The following GCGR variants were observed in gnomAD, a reference collection of about 807,000 sequenced individuals.
GCGR encodes the protein glucagon receptor.
Under a neutral mutation model 56.1 loss-of-function variants are expected in GCGR, and 41 were observed. The ratio of observed to expected loss-of-function variants is 0.73; its 90% CI spans 0.57 to 0.95. The LOEUF is 0.95. Among genes scored for constraint, GCGR ranks in the 40% least tolerant of loss-of-function variants. GCGR has a pLI of 0.00. For missense variants in GCGR, 595 were observed against 638.2 expected, an observed-to-expected ratio of 0.93 and a Z score of 0.73; for synonymous variants, 278 against 271.1, an observed-to-expected ratio of 1.03 and a Z score of -0.25.
Position 81,804,243 on chromosome 17 carries a change from C to T in GCGR, c.-184C>T, listed in dbSNP as rs1415317870. ...GAGCCAAGCCGACCCCCGAGCAGCGCCGCGCGGTGAGCACCTGGGCCGCGG... is the reference window on the plus strand; with the variant it reads ...GAGCCAAGCCGACCCCCGAGCAGCGTCGCGCGGTGAGCACCTGGGCCGCGG... On this transcript the variant is annotated 5_prime_UTR_variant, in exon 1 of 14. Coordinates refer to ENST00000400723, the MANE Select transcript of GCGR (RefSeq NM_000160.5). This position sits in a 1 kb window ranked among gnomAD's most constrained non-coding sequence, Gnocchi z 8.2. The T allele has an allele frequency of 6.6e-6, 1 of 151,528 alleles. No individual in the cohort carries two copies. Among genetic ancestry groups the T allele is most frequent in the Non-Finnish European group, 1.5e-5 (1 of 67,808 alleles). The allele number at this position is 151,528 out of a possible 1,614,324, so 9.4% of individuals were successfully genotyped here. A position where few individuals can be genotyped will look rare whatever the true frequency, so the allele number is the denominator to read the frequency against.
Position 81,813,218 on chromosome 17 carries a change from C to T in GCGR, c.1218+161C>T, listed in dbSNP as rs2038140312. On this transcript the variant is annotated intron_variant, in intron 13 of 13. Coordinates refer to ENST00000400723, the MANE Select transcript of GCGR (RefSeq NM_000160.5). The surrounding 1 kb of genome is among the most constrained non-coding windows in gnomAD (Gnocchi z 5.3). ...CTCTTATTGGGTGCAGTTGCCATGGCGCTGGGTGTCAGGCCCCCAGGACAG... is the reference window on the plus strand; with the variant it reads ...CTCTTATTGGGTGCAGTTGCCATGGTGCTGGGTGTCAGGCCCCCAGGACAG... 6.6e-6 allele frequency among the ~76,000 whole-genome samples: 1 copy of T among 152,172 alleles called. No homozygotes were observed. The highest frequency in any genetic ancestry group is 6.5e-5 in the Admixed American group (1 of 15,284).
chr17:81,813,625 A>G lies in GCGR; in HGVS notation c.1370A>G (p.Gln457Arg), dbSNP rs754349828. The G allele has an allele frequency of 3.9e-6, 6 of 1,536,338 alleles. No homozygotes were observed. The highest frequency in any genetic ancestry group is 5.2e-6 in the Non-Finnish European group (6 of 1,146,858). ...ELQFGRGGGS[Q>R]DSSAETPLAG... ...CAGTTTGGGAGGGGTGGTGGCAGCC[A>G]GGATTCATCTGCGGAGACCCCCTTG... Residue 457 changes from glutamine to arginine, a missense_variant, in exon 14 of 14, where the codon CAG becomes CGG. Transcript: ENST00000400723. This position sits in a 1 kb window ranked among gnomAD's most constrained non-coding sequence, Gnocchi z 5.3.
chr17:81,806,902 C>T lies in GCGR; in HGVS notation c.-177-1940C>T, dbSNP rs565449491. On this transcript the variant is annotated intron_variant, in intron 1 of 13. Coordinates refer to ENST00000400723, the MANE Select transcript of GCGR (RefSeq NM_000160.5). The surrounding 1 kb of genome is among the most constrained non-coding windows in gnomAD (Gnocchi z 6.5). ...CCACCCTGCTCCAGCTGCCCCTTGTCCCTCTCCCCGTCCCCTGCCCAGAGC... is the reference window on the plus strand; with the variant it reads ...CCACCCTGCTCCAGCTGCCCCTTGTTCCTCTCCCCGTCCCCTGCCCAGAGC... Among the ~76,000 whole-genome samples the T allele has an allele frequency of 1.3e-3, 204 of 152,120 alleles. 2 individuals carry two copies. Among genetic ancestry groups the T allele is most frequent in the African/African-American group, 4.6e-3 (192 of 41,488 alleles).
Position 81,812,889 on chromosome 17 carries a change from C to T in GCGR, c.1120C>T (p.Gln374Ter). ...VFAFVTDEHA[Q>*]GTLRSAKLFF... is the part of the protein sequence containing the mutation. ...CGCCTTCGTGACGGACGAGCACGCC[C>T]AGGGCACCCTGCGCTCCGCCAAGCT... The change falls in exon 12 of 14, where the codon CAG becomes TAG. Residue 374 changes from glutamine (Q) to a stop codon, truncating the protein, a stop_gained. Coordinates refer to ENST00000400723, the MANE Select transcript of GCGR (RefSeq NM_000160.5). LOFTEE classifies it high-confidence loss of function. The surrounding 1 kb of genome is among the most constrained non-coding windows in gnomAD (Gnocchi z 8.5). The T allele has an allele frequency of 6.5e-7, 1 of 1,536,118 alleles. No homozygotes were observed. Among genetic ancestry groups the T allele is most frequent in the Non-Finnish European group, 8.7e-7 (1 of 1,146,764 alleles).
chr17:81,810,895 C>T lies in GCGR; in HGVS notation c.234C>T (p.Asn78=). 1.3e-6 allele frequency: 2 copies of T among 1,534,634 alleles called. No individual in the cohort carries two copies. The highest frequency in any genetic ancestry group is 1.2e-5 in the South Asian group (1 of 84,034). Residue 78 remains asparagine, a synonymous_variant, in exon 4 of 14, where the codon AAC becomes AAT. Coordinates refer to ENST00000400723, the MANE Select transcript of GCGR (RefSeq NM_000160.5). This position sits in a 1 kb window ranked among gnomAD's most constrained non-coding sequence, Gnocchi z 4.6. The part of the protein sequence containing the change: ...WPDTPANTTA[N]ISCPWYLPWH... The stretch of plus-strand genomic sequence containing the variant: ...ACACCCCCGCCAATACCACGGCCAA[C>T]ATCTCCTGCCCCTGGTACCTGCCTT...
Position 81,811,182 on chromosome 17 carries a change from G to C in GCGR, c.394-40G>C. On this transcript the variant is annotated intron_variant, in intron 5 of 13. Coordinates refer to ENST00000400723, the MANE Select transcript of GCGR (RefSeq NM_000160.5). The surrounding 1 kb of genome is among the most constrained non-coding windows in gnomAD (Gnocchi z 5.8). ...TGGGGCTGGATGGGAACGGGCATGG[G>C]GGCCCCTGCCTGGCCCTCACAGGCC... The C allele has an allele frequency of 6.5e-7, 1 of 1,536,116 alleles. No homozygotes were observed. Among genetic ancestry groups the C allele is most frequent in the South Asian group, 1.2e-5 (1 of 84,068 alleles).
intron 1 of GCGR, among the ~76,000 whole-genome samples, chr17:81,805,785 G>T (rs2037950063): frequency 6.6e-6 from 1 of 152,168 alleles, no homozygotes; most frequent in African/African-American, 2.4e-5. Flanking sequence ...AAGGTGGAGG[G>T]TGGGGTCCCT....
At chr17:81,809,694 C>T in intron 2 of GCGR, 88 bp from the exon 3 acceptor site, 1 of 916,316 alleles carries the variant, frequency 1.1e-6, no homozygotes, top group Non-Finnish European at 1.6e-6. Flanking sequence ...TATCCATCTA[C>T]CTGCCTGCCT....
chr17:81,813,860 C>G lies in GCGR; in HGVS notation c.*171C>G. On this transcript the variant is annotated 3_prime_UTR_variant, in exon 14 of 14. Coordinates refer to ENST00000400723, the MANE Select transcript of GCGR (RefSeq NM_000160.5). This position sits in a 1 kb window ranked among gnomAD's most constrained non-coding sequence, Gnocchi z 5.3. ...CGAGATTGGGCCTCCTCTCCCTGCA[C>G]CTGCCTTGTCCCTGGTGCAGAGGTG... is the stretch of plus-strand genomic sequence containing the variant. 1 of 636,316 alleles carries G rather than the reference C, an allele frequency of 1.6e-6. No individual in the cohort carries two copies. Among genetic ancestry groups the G allele is most frequent in the South Asian group, 1.9e-5 (1 of 51,524 alleles). The allele number at this position is 636,316 out of a possible 1,614,324, so 39.4% of individuals were successfully genotyped here.
At position 81,813,597 on chromosome 17, in the gene GCGR, C is replaced by G; in HGVS notation, c.1342C>G (p.Leu448Val). The G allele has an allele frequency of 2.6e-6, 4 of 1,536,622 alleles. No individual in the cohort carries two copies. The highest frequency in any genetic ancestry group is 3.5e-6 in the Non-Finnish European group (4 of 1,146,872). ...SPGHGPPSKE[L>V]QFGRGGGSQD... ...CGGCCACGGCCCTCCCAGCAAGGAG[C>G]TGCAGTTTGGGAGGGGTGGTGGCAG... Residue 448 changes from leucine (L) to valine (V), a missense_variant, in exon 14 of 14, where the codon CTG becomes GTG. By Grantham distance (32) the Leu-to-Val change is conservative. Transcript: ENST00000400723. This position sits in a 1 kb window ranked among gnomAD's most constrained non-coding sequence, Gnocchi z 5.3.
At chr17:81,809,926 C>T in intron 3 of GCGR, 42 bp downstream of exon 3, 1 of 1,403,762 alleles carries the variant, frequency 7.1e-7, no homozygotes, top group Non-Finnish European at 9.8e-7. Context: ...TGCCTGGCCT[C>T]AGCACTTCCT....
Position 81,809,218 on chromosome 17 carries a change from G to A in GCGR, c.60+140G>A, listed in dbSNP as rs553968053. On this transcript the variant is annotated intron_variant, in intron 2 of 13. Transcript: ENST00000400723. ...TGCCCGTCTGCCTGCCCATCTGCCT[G>A]TCTGTCTGCCTGTCCGTCTGTCTGT... 13 of 1,036,082 alleles carry A rather than the reference G, an allele frequency of 1.3e-5. No individual in the cohort carries two copies. In the African/African-American group the frequency reaches 1.3e-4, roughly 10 times the overall value. 64.2% of individuals were successfully genotyped at this position (1,036,082 alleles called of 1,614,324 possible).
At chr17:81,809,438 TCCGTCTGCCTGC>T (rs2143117187) in intron 2 of GCGR, among the ~76,000 whole-genome samples, 1 of 137,500 alleles carries the variant, frequency 7.3e-6, no homozygotes, top group African/African-American at 2.8e-5. Context: ...CGTCTGCCTG[TCCGTCTGCCTGC>T]CTGCCTGTCT....
rs940163718 is a variant in GCGR, at chr17:81,804,914, C to T, written c.-178+665C>T. Among the ~76,000 whole-genome samples, 3 of 152,196 alleles carry T rather than the reference C, an allele frequency of 2.0e-5. No individual in the cohort carries two copies. The highest frequency in any genetic ancestry group is 6.5e-5 in the Admixed American group (1 of 15,290). ...GACTGACCCCGGCCCCCTCGGCGCC[C>T]GCATCCTCCAAGGACCGGCCAGGGC... On this transcript the variant is annotated intron_variant, in intron 1 of 13. Transcript: ENST00000400723. This position sits in a 1 kb window ranked among gnomAD's most constrained non-coding sequence, Gnocchi z 8.2.
At position 81,809,462 on chromosome 17, in the gene GCGR, T is replaced by C. The variant is rs371550967; in HGVS notation, c.61-320T>C. Among the ~76,000 whole-genome samples, 201 of 137,772 alleles carry C rather than the reference T, an allele frequency of 1.5e-3. 1 individual carries two copies. The highest frequency in any genetic ancestry group is 4.2e-3 in the African/African-American group (150 of 35,570). 90.4% of individuals were successfully genotyped at this position (137,772 alleles called of 152,430 possible). A position where few individuals can be genotyped will look rare whatever the true frequency, so the allele number is the denominator to read the frequency against. On this transcript the variant is annotated intron_variant, in intron 2 of 13. Transcript: ENST00000400723. ...GTCCGTCTGCCTGCCTGCCTGTCTG[T>C]CTGCCTGCCTGTCTGCCTGCCTGTC...
rs1394509323 is a variant in GCGR at position 81,813,004 on chromosome 17, C to T, written c.1177-12C>T. On this transcript the variant is annotated splice_polypyrimidine_tract_variant and intron_variant, in intron 12 of 13. Transcript: ENST00000400723. This position sits in a 1 kb window ranked among gnomAD's most constrained non-coding sequence, Gnocchi z 5.3. ...GCGCAGTGTGCCACCCCTGACCACC[C>T]TGTCTCTCCAGGGCCTGCTGGTGGC... 8 of 1,536,432 alleles carry T rather than the reference C, an allele frequency of 5.2e-6. No homozygotes were observed. The highest frequency in any genetic ancestry group is 7.0e-6 in the Non-Finnish European group (8 of 1,146,828).
chr17:81,809,667 C>G, intron 2 of GCGR, 115 bp from the exon 3 acceptor site: 1 of 761,538 alleles, frequency 1.3e-6, no homozygotes, highest in Non-Finnish European at 2.2e-6. Flanking sequence ...GTCTGTCTGC[C>G]TGTCTGTCCA....
Position 81,810,600 on chromosome 17 carries a change from C to T in GCGR, c.164-225C>T, listed in dbSNP as rs935580388. On this transcript the variant is annotated intron_variant, in intron 3 of 13. Coordinates refer to ENST00000400723, the MANE Select transcript of GCGR (RefSeq NM_000160.5). The surrounding 1 kb of genome is among the most constrained non-coding windows in gnomAD (Gnocchi z 4.6). ...AGCTGCAATTCAGGGCTGGGCTGGGCGTGCTAGCGGAGGCTGGTCCAGGGG... is the reference window on the plus strand; with the variant it reads ...AGCTGCAATTCAGGGCTGGGCTGGGTGTGCTAGCGGAGGCTGGTCCAGGGG... 1.3e-5 allele frequency among the ~76,000 whole-genome samples: 2 copies of T among 151,378 alleles called. No individual in the cohort carries two copies. Among genetic ancestry groups the T allele is most frequent in the African/African-American group, 2.4e-5 (1 of 41,094 alleles).
At chr17:81,807,852 C>T (rs865842486) in intron 1 of GCGR, among the ~76,000 whole-genome samples, 1 of 152,266 alleles carries the variant, frequency 6.6e-6, no homozygotes, top group Non-Finnish European at 1.5e-5. Context: ...CCCGAACTCC[C>T]AGCTCAGATG....
Sources: allele counts gnomAD v4.1 joint callset (sites outside exome capture counted in the v4.1 genomes callset), GRCh38; gene constraint gnomAD v4.1.1; non-coding constraint Gnocchi (gnomAD v3.1); transcripts MANE v1.5; gene names NCBI Gene and HGNC (gene_info 2026-07-23, HGNC 2026-07-21).